The following KMT5A variants were observed in gnomAD, a reference collection of about 807,000 sequenced individuals.
KMT5A encodes the protein N-lysine methyltransferase KMT5A.
Under a neutral mutation model 40.6 loss-of-function variants are expected in KMT5A, and 6 were observed. The ratio of observed to expected loss-of-function variants is 0.15; its 90% CI spans 0.08 to 0.29. The LOEUF is 0.29. KMT5A is among the 10% of genes least tolerant of loss of function. The pLI, the probability that KMT5A is intolerant of heterozygous loss-of-function variation, is 1.00. For missense variants in KMT5A, 308 were observed against 459.1 expected (o/e 0.67, Z 3.01); for synonymous variants, 153 against 178.8 (o/e 0.86, Z 1.15).
At chr12:123,405,884 A>G (rs1878514284) in intron 7 of KMT5A, among the ~76,000 whole-genome samples, 1 of 149,962 alleles carries the variant, frequency 6.7e-6, no homozygotes, top group African/African-American at 2.5e-5. Flanking sequence ...CAGTGGTGCA[A>G]TCTTGGCTTA....
intron 3 of KMT5A, chr12:123,391,261 C>T (rs1294435253): frequency 6.3e-6 from 1 of 157,698 alleles, no homozygotes; most frequent in Non-Finnish European, 1.4e-5. Context: ...ATGGCACGAT[C>T]TCAGCTCACT....
intron 2 of KMT5A, 63 bp from the exon 3 acceptor site, chr12:123,390,567 C>T (rs756864722): frequency 7.7e-6 from 12 of 1,565,210 alleles, no homozygotes; most frequent in Non-Finnish European, 9.5e-6. Context: ...ATTCCTCCTC[C>T]TCGTGAATGC....
chr12:123,389,398 C>T (rs942943250), intron 1 of KMT5A, 35 bp from the exon 2 acceptor site: 4 of 1,038,298 alleles, frequency 3.9e-6, no homozygotes, highest in South Asian at 4.4e-5. Context: ...CCCTGAGCGC[C>T]CCCTCCCCCG....
intron 5 of KMT5A, among the ~76,000 whole-genome samples, chr12:123,399,512 C>G (rs1566079363): frequency 6.6e-6 from 1 of 152,208 alleles, no homozygotes; most frequent in South Asian, 2.1e-4. Flanking sequence ...TTTCCATGAT[C>G]ACTCCCGTTT....
In KMT5A at chr12:123,395,190, T is replaced by C. The variant is rs749623625; in HGVS notation, c.433T>C (p.Cys145Arg). The change falls in exon 4 of 8, where the codon TGT becomes CGT. Residue 145 changes from cysteine to arginine, a missense_variant. Coordinates refer to ENST00000402868, the MANE Select transcript of KMT5A (RefSeq NM_020382.7). ...AEPPKTPPSS[C>R]DSTNAAIAKQ... ...ACCTCCAAAAACTCCACCCTCATCT[T>C]GTGATTCCACCAATGCAGCCATCGC... 6.2e-7 allele frequency: 1 copy of C among 1,613,366 alleles called. No individual in the cohort carries two copies. The highest frequency in any genetic ancestry group is 1.1e-5 in the South Asian group (1 of 90,926).
intron 5 of KMT5A, among the ~76,000 whole-genome samples, chr12:123,399,541 C>T (rs934247121): frequency 1.3e-5 from 2 of 152,238 alleles, no homozygotes; most frequent in African/African-American, 2.4e-5. Flanking sequence ...CCCCGTACTT[C>T]TCAGCACTCT....
intron 3 of KMT5A, among the ~76,000 whole-genome samples, chr12:123,393,146 G>A (rs1031296380): frequency 1.2e-4 from 18 of 152,164 alleles, no homozygotes; most frequent in African/African-American, 3.1e-4. Context: ...CCAAAGTGCT[G>A]GGATTACAGG....
intron 6 of KMT5A, among the ~76,000 whole-genome samples, chr12:123,404,029 G>GCAGC (rs968192778): frequency 7.9e-5 from 12 of 151,966 alleles, no homozygotes; most frequent in African/African-American, 2.7e-4. Flanking sequence ...CCAGCCCCTG[G>GCAGC]CAGCCACTCA....
intron 3 of KMT5A, among the ~76,000 whole-genome samples, chr12:123,393,318 T>C (rs1877450338): frequency 6.6e-6 from 1 of 152,190 alleles, no homozygotes; most frequent in Non-Finnish European, 1.5e-5. Context: ...TTCCAGAACG[T>C]TTCCATCACC....
At chr12:123,389,224 G>GC in intron 1 of KMT5A, 23 of 139,286 alleles carry the variant, frequency 1.7e-4, no homozygotes, top group Non-Finnish European at 3.1e-4. Context: ...CGGGCGGCGC[G>GC]CGGGGCCTGG....
intron 5 of KMT5A, among the ~76,000 whole-genome samples, chr12:123,403,099 T>A (rs1008025205): frequency 2.0e-4 from 30 of 152,068 alleles, no homozygotes; most frequent in African/African-American, 6.5e-4. Context: ...AGAGACAGGG[T>A]TTTACCTATT....
rs1312130304 is a variant in KMT5A at position 123,390,775 on chromosome 12, G to C, written c.278G>C (p.Arg93Thr). 6.2e-7 allele frequency: 1 copy of C among 1,613,760 alleles called. No individual in the cohort carries two copies. Among genetic ancestry groups the C allele is most frequent in the Admixed American group, 1.7e-5 (1 of 59,982 alleles). ...GGGAAACCATTAGCCGGAATCTACA[G>C]GAAACGAGAAGGTAAGCTTTTGAAA... The part of the protein sequence containing the change: ...CQGKPLAGIY[R>T]KREEKRNAGN... Residue 93 changes from arginine to threonine, a missense_variant, in exon 3 of 8, where the codon AGG becomes ACG. Around this residue, in one of 4 missense-constraint regions of KMT5A, gnomAD observed 127 missense variants for 129.8 expected, o/e 0.98. Coordinates refer to ENST00000402868, the MANE Select transcript of KMT5A (RefSeq NM_020382.7).
At chr12:123,406,940 C>T (rs1311900619) in intron 7 of KMT5A, among the ~76,000 whole-genome samples, 4 of 145,510 alleles carry the variant, frequency 2.7e-5, no homozygotes, top group African/African-American at 7.6e-5. Context: ...TGCCTTACCC[C>T]GGGAGGCAGA....
chr12:123,401,987 A>G (rs567541685), intron 5 of KMT5A, among the ~76,000 whole-genome samples: 2 of 152,174 alleles, frequency 1.3e-5, no homozygotes, highest in South Asian at 2.1e-4. Flanking sequence ...GGCTCCAGCA[A>G]TCCTCCTCCT....
At chr12:123,402,745 CT>C (rs1878270649) in intron 5 of KMT5A, among the ~76,000 whole-genome samples, 1 of 152,152 alleles carries the variant, frequency 6.6e-6, no homozygotes, top group African/African-American at 2.4e-5. Context: ...CTGTTCAGGT[CT>C]GTATTGACCC....
chr12:123,391,138 A>G (rs1877288061), intron 3 of KMT5A: 1 of 231,470 alleles, frequency 4.3e-6, no homozygotes, highest in African/African-American at 2.3e-5. Context: ...AGACCTAACT[A>G]ATGTGTTCAT....
intron 2 of KMT5A, chr12:123,390,206 C>T (rs938095969): frequency 8.8e-6 from 4 of 455,506 alleles, no homozygotes; most frequent in African/African-American, 8.0e-5. Flanking sequence ...TCCAGCCGCC[C>T]TCAGCACCAA....
At chr12:123,390,561 C>T in intron 2 of KMT5A, 69 bp from the exon 3 acceptor site, 2 of 1,548,814 alleles carry the variant, frequency 1.3e-6, no homozygotes, top group Non-Finnish European at 1.7e-6. Context: ...TTTTGTATTC[C>T]TCCTCCTCGT....
intron 5 of KMT5A, among the ~76,000 whole-genome samples, chr12:123,401,913 C>T (rs2139196897): frequency 6.6e-6 from 1 of 151,496 alleles, no homozygotes; most frequent in East Asian, 2.0e-4. Context: ...GACAGGGTCT[C>T]ACTCTGTTGC....
Sources: allele counts gnomAD v4.1 joint callset (sites outside exome capture counted in the v4.1 genomes callset), GRCh38; gene constraint gnomAD v4.1.1; regional missense constraint gnomAD v4.1.1; transcripts MANE v1.5; gene names NCBI Gene and HGNC (gene_info 2026-07-23, HGNC 2026-07-21).